CDYL: variants seen among roughly 807,000 people sequenced by gnomAD.
CDYL encodes the protein chromodomain Y-like protein.
A neutral mutation model predicts 47.3 loss-of-function variants in CDYL; 8 were observed. That is an observed-to-expected ratio of 0.17 (90% CI 0.10 to 0.31). CDYL has a LOEUF of 0.31. CDYL is among the 10% of genes least tolerant of loss of function. CDYL has a pLI of 1.00. For synonymous variants in CDYL, 266 were observed against 265.0 expected (o/e 1.00, Z -0.04); for missense variants, 471 against 701.4 (o/e 0.67, Z 3.71).
intron 1 of CDYL, among the ~76,000 whole-genome samples, chr6:4,802,209 C>T (rs1213480388): frequency 1.3e-5 from 2 of 151,674 alleles, no homozygotes; most frequent in African/African-American, 4.9e-5. Context: ...CTCTTCCTGG[C>T]TTTTGCAAAT....
In CDYL at chr6:4,916,895, C is replaced by T. The variant is rs182256877; in HGVS notation, c.692-18620C>T. Reference sequence around the variant, plus strand: ...CCACGTGCACGGCCCACTGCCACACCTCCACCTCTGACAGGTGGGCCCTGA... The same window carrying T: ...CCACGTGCACGGCCCACTGCCACACTTCCACCTCTGACAGGTGGGCCCTGA... On this transcript the variant is annotated intron_variant, in intron 2 of 6. Transcript: ENST00000397588. Among the ~76,000 whole-genome samples the T allele has an allele frequency of 7.2e-5, 11 of 152,362 alleles. No homozygotes were observed. The East Asian group carries it at 1.7e-3, about 24-fold the overall frequency.
intron 5 of CDYL, among the ~76,000 whole-genome samples, chr6:4,949,487 T>C (rs988998817): frequency 3.3e-5 from 5 of 152,166 alleles, no homozygotes; most frequent in African/African-American, 4.8e-5. Flanking sequence ...TAAAAAGACA[T>C]CTCTATTTAA....
chr6:4,925,071 T>C lies in CDYL; in HGVS notation c.692-10444T>C, dbSNP rs538511032. On this transcript the variant is annotated intron_variant, in intron 2 of 6. Coordinates refer to ENST00000397588, the MANE Select transcript of CDYL (RefSeq NM_004824.4). Reference sequence around the variant, plus strand: ...CTGCAATCTGAAACCATGCAGAAAGTTGTAATACCTGATGTGGGTGGGTGG... The same window carrying C: ...CTGCAATCTGAAACCATGCAGAAAGCTGTAATACCTGATGTGGGTGGGTGG... Among the ~76,000 whole-genome samples, 7 of 152,336 alleles carry C rather than the reference T, an allele frequency of 4.6e-5. No individual in the cohort carries two copies. In the East Asian group the frequency reaches 1.3e-3, roughly 29 times the overall value.
At chr6:4,901,801 T>C (rs1298338006) in intron 2 of CDYL, among the ~76,000 whole-genome samples, 1 of 152,174 alleles carries the variant, frequency 6.6e-6, no homozygotes, top group African/African-American at 2.4e-5. Context: ...TGAAATGGCA[T>C]CTGTTGGCTC....
intron 1 of CDYL, among the ~76,000 whole-genome samples, chr6:4,880,577 G>T (rs1362560315): frequency 6.6e-6 from 1 of 152,166 alleles, no homozygotes; most frequent in Non-Finnish European, 1.5e-5. Context: ...GAATCATATG[G>T]TAAGAGTATG....
At chr6:4,902,428 A>ACT (rs1477979720) in intron 2 of CDYL, among the ~76,000 whole-genome samples, 51 of 150,534 alleles carry the variant, frequency 3.4e-4, no homozygotes, top group Non-Finnish European at 7.1e-4. Flanking sequence ...AAAAGACAGT[A>ACT]GGTACTGAGC....
intron 3 of CDYL, among the ~76,000 whole-genome samples, chr6:4,758,588 G>A (rs1218734283): frequency 3.3e-5 from 5 of 150,766 alleles, no homozygotes; most frequent in Non-Finnish European, 5.9e-5. Flanking sequence ...GCTTGAACCC[G>A]TGAGGCAGAG....
In CDYL at chr6:4,870,963, A is replaced by G. The variant is rs573898606; in HGVS notation, c.25-20750A>G. On this transcript the variant is annotated intron_variant, in intron 1 of 6. Coordinates refer to ENST00000397588, the MANE Select transcript of CDYL (RefSeq NM_004824.4). The stretch of plus-strand genomic sequence containing the variant: ...AATAGTTGATGTGAAGTCCTTTTCC[A>G]CTAAACCCAAATTCTAGGCAAACTT... Among the ~76,000 whole-genome samples the G allele has an allele frequency of 1.4e-4, 22 of 152,338 alleles. No homozygotes were observed. The South Asian group carries it at 4.1e-3, about 29-fold the overall frequency.
chr6:4,841,148 A>T (rs377459773), intron 1 of CDYL, among the ~76,000 whole-genome samples: 1 of 151,984 alleles, frequency 6.6e-6, no homozygotes, highest in Non-Finnish European at 1.5e-5. Flanking sequence ...GGCGGGTTGT[A>T]TATTTCCAGG....
At chr6:4,813,887 C>T (rs1285578815) in intron 1 of CDYL, among the ~76,000 whole-genome samples, 1 of 151,942 alleles carries the variant, frequency 6.6e-6, no homozygotes, top group Non-Finnish European at 1.5e-5. Context: ...GATCCTTCCA[C>T]CTCAGCCTCC....
At chr6:4,885,803 G>A (rs1219039782) in intron 1 of CDYL, among the ~76,000 whole-genome samples, 3 of 152,162 alleles carry the variant, frequency 2.0e-5, no homozygotes, top group Admixed American at 2.0e-4. Context: ...GAATTCAGTG[G>A]CTGTTAGCAT....
At chr6:4,889,747 CTT>C (rs1401448794) in intron 1 of CDYL, among the ~76,000 whole-genome samples, 1 of 152,178 alleles carries the variant, frequency 6.6e-6, no homozygotes, top group Non-Finnish European at 1.5e-5. Flanking sequence ...AACATTTACT[CTT>C]TGGCAGTTTA....
At chr6:4,854,276 AG>A (rs1760939799) in intron 1 of CDYL, among the ~76,000 whole-genome samples, 1 of 152,218 alleles carries the variant, frequency 6.6e-6, no homozygotes, top group South Asian at 2.1e-4. Flanking sequence ...GCCGTCTTGC[AG>A]GCATGGCTCA....
rs570796472 is a variant in CDYL, at chr6:4,856,583, G to A, written c.25-35130G>A. The stretch of plus-strand genomic sequence containing the variant: ...TGAGGACGCTGTTGCGACAGTCGGG[G>A]CCAGAACAATGGTGGTGTGGTCCTG... On this transcript the variant is annotated intron_variant, in intron 1 of 6. Coordinates refer to ENST00000397588, the MANE Select transcript of CDYL (RefSeq NM_004824.4). Among the ~76,000 whole-genome samples the A allele has an allele frequency of 3.9e-5, 6 of 152,308 alleles. No individual in the cohort carries two copies. In the South Asian group the frequency reaches 6.2e-4, roughly 16 times the overall value.
chr6:4,829,661 C>G (rs1002954096), intron 1 of CDYL, among the ~76,000 whole-genome samples: 2 of 152,166 alleles, frequency 1.3e-5, no homozygotes, highest in Non-Finnish European at 1.5e-5. Flanking sequence ...TATATCTCAA[C>G]TTGATCATTT....
At chr6:4,804,227 G>T (rs1050437486) in intron 1 of CDYL, among the ~76,000 whole-genome samples, 1 of 152,174 alleles carries the variant, frequency 6.6e-6, no homozygotes, top group African/African-American at 2.4e-5. Context: ...GTCCTAAGCA[G>T]TGGCCTCGCC....
intron 2 of CDYL, among the ~76,000 whole-genome samples, chr6:4,897,766 T>G (rs1762324565): frequency 8.5e-6 from 1 of 118,044 alleles, no homozygotes; most frequent in South Asian, 3.0e-4. Context: ...AAAATAACTA[T>G]TTTCCTAGGT....
At chr6:4,805,040 G>C (rs1168814506) in intron 1 of CDYL, among the ~76,000 whole-genome samples, 1 of 152,012 alleles carries the variant, frequency 6.6e-6, no homozygotes, top group African/African-American at 2.4e-5. Context: ...TTCTAAATCA[G>C]ACCAAAAAAA....
intron 1 of CDYL, among the ~76,000 whole-genome samples, chr6:4,827,586 C>T (rs1006518785): frequency 2.6e-5 from 4 of 152,184 alleles, no homozygotes; most frequent in African/African-American, 7.2e-5. Flanking sequence ...CCTTTATGTT[C>T]TTACAAAGTA....
Sources: gnomAD v4.1 joint callset for allele counts (sites outside exome capture counted in the v4.1 genomes callset) on GRCh38, gnomAD v4.1.1 for gene constraint, MANE v1.5 for transcripts, NCBI Gene and HGNC (gene_info 2026-07-23, HGNC 2026-07-21) for gene names.